The following KCNN2 variants were observed in gnomAD, a reference collection of about 807,000 sequenced individuals.
KCNN2 encodes potassium calcium-activated channel subfamily N member 2, also known as small conductance calcium-activated potassium channel protein 2.
In KCNN2, 24 loss-of-function variants were observed where a neutral mutation model predicts 55.5. That is an observed-to-expected ratio of 0.43 (90% CI 0.31 to 0.61). KCNN2 has a LOEUF of 0.61. Ranked by LOEUF, KCNN2 falls within the 20% of genes least tolerant of loss-of-function variation. The pLI is 0.08. For synonymous variants in KCNN2, 431 were observed against 336.1 expected (o/e 1.28, Z -3.09); for missense variants, 754 against 853.6 (o/e 0.88, Z 1.45).
intron 2 of KCNN2, among the ~76,000 whole-genome samples, chr5:114,377,522 C>T (rs1757981326): frequency 6.6e-6 from 1 of 152,190 alleles, no homozygotes; most frequent in Non-Finnish European, 1.5e-5. Flanking sequence ...TAGATGCCAC[C>T]TGGCTGGGCC....
intron 2 of KCNN2, among the ~76,000 whole-genome samples, chr5:114,312,414 CACACACACACACACACACACAT>C (rs1319571201): frequency 1.2e-4 from 9 of 75,212 alleles, no homozygotes; most frequent in African/African-American, 5.0e-4. Flanking sequence ...CACACACACA[CACACACACACACACACACACAT>C]ATATATATAT....
chr5:114,436,908 T>C (rs185455102), intron 3 of KCNN2, among the ~76,000 whole-genome samples: 1 of 152,280 alleles, frequency 6.6e-6, no homozygotes, highest in East Asian at 1.9e-4. Context: ...TATTGAGGAA[T>C]TGTATTTTTT....
At chr5:114,277,092 A>G (rs1755506377) in intron 2 of KCNN2, among the ~76,000 whole-genome samples, 1 of 152,098 alleles carries the variant, frequency 6.6e-6, no homozygotes, top group African/African-American at 2.4e-5. Context: ...TTCTTCACTT[A>G]TGAAGCTTAT....
At chr5:114,151,384 G>A (rs1037844647) in intron 1 of KCNN2, among the ~76,000 whole-genome samples, 53 of 152,120 alleles carry the variant, frequency 3.5e-4, no homozygotes, top group Non-Finnish European at 5.9e-4. Flanking sequence ...TCATTCCACC[G>A]TCCTGCCACT....
chr5:114,433,295 G>A (rs1390642091), intron 3 of KCNN2, among the ~76,000 whole-genome samples: 3 of 152,142 alleles, frequency 2.0e-5, no homozygotes, highest in Non-Finnish European at 4.4e-5. Flanking sequence ...AATCGACACT[G>A]TATCTAGCTA....
At chr5:114,421,729 C>G (rs922556087) in intron 3 of KCNN2, among the ~76,000 whole-genome samples, 2 of 151,736 alleles carry the variant, frequency 1.3e-5, no homozygotes, top group Non-Finnish European at 2.9e-5. Context: ...GTTGCCTCAG[C>G]CTCCTGAGTA....
chr5:114,263,922 T>G (rs1475604464), intron 2 of KCNN2, among the ~76,000 whole-genome samples: 1 of 152,186 alleles, frequency 6.6e-6, no homozygotes, highest in East Asian at 1.9e-4. Flanking sequence ...TAAGACACCC[T>G]TATTCATCCT....
At chr5:114,461,885 C>T (rs1234639478) in intron 3 of KCNN2, among the ~76,000 whole-genome samples, 2 of 151,972 alleles carry the variant, frequency 1.3e-5, no homozygotes, top group Non-Finnish European at 2.9e-5. Context: ...ACTGAGTGAG[C>T]GAAGCAGGAG....
At chr5:114,056,489 T>C (rs945045319) in exon 1 of KCNN2, 8 of 398,588 alleles carry the variant, frequency 2.0e-5, no homozygotes, top group Middle Eastern at 6.3e-4. Context: ...GGACTCCTGG[T>C]TGCAGAACGA....
At position 114,069,944 on chromosome 5, in the gene KCNN2, A is replaced by G. The variant is rs142598569; in HGVS notation, c.-271+13444A>G. 7.5e-4 allele frequency among the ~76,000 whole-genome samples: 114 copies of G among 152,372 alleles called. 1 individual carries two copies. Among genetic ancestry groups the G allele is most frequent in the African/African-American group, 2.7e-3 (113 of 41,594 alleles). ...TATTACAACTGCACTGACTATCTGT[A>G]GAATTATTGAAGGTATAATATATGA... is the stretch of plus-strand genomic sequence containing the variant. On this transcript the variant is annotated intron_variant, in intron 1 of 10. Coordinates refer to the KCNN2 transcript ENST00000512097.
intron 2 of KCNN2, among the ~76,000 whole-genome samples, chr5:114,350,874 C>A (rs983280879): frequency 6.6e-6 from 1 of 151,770 alleles, no homozygotes; most frequent in East Asian, 1.9e-4. Context: ...CAGTAAGTTT[C>A]CACTCAACAA....
intron 5 of KCNN2, chr5:114,486,785 A>G (rs749163939): frequency 1.5e-6 from 2 of 1,353,110 alleles, no homozygotes; most frequent in South Asian, 2.6e-5. Context: ...GTTGAATAAA[A>G]AAGAAGTTTC....
At position 114,385,068 on chromosome 5, in the gene KCNN2, ATTAAAGG is replaced by A. The variant is rs1199913558; in HGVS notation, c.1219-19368_1219-19362del. ...AGTTGAAATGCTCTATCTTATTAAC[ATTAAAGG>A]TATGCAGATGTGTTGCCCTATTTTG... On this transcript the variant is annotated intron_variant, in intron 2 of 7. Coordinates refer to ENST00000673685, the MANE Select transcript of KCNN2 (RefSeq NM_021614.4). Among the ~76,000 whole-genome samples the A allele has an allele frequency of 2.6e-5, 4 of 152,342 alleles. No homozygotes were observed. The South Asian group carries it at 8.3e-4, about 32-fold the overall frequency.
chr5:114,266,330 G>A (rs890974551), intron 2 of KCNN2, among the ~76,000 whole-genome samples: 4 of 152,136 alleles, frequency 2.6e-5, no homozygotes, highest in Non-Finnish European at 5.9e-5. Flanking sequence ...TCTATCTTAT[G>A]TATCTTATTC....
chr5:114,134,811 G>A (rs970902970), intron 1 of KCNN2, among the ~76,000 whole-genome samples: 6 of 152,064 alleles, frequency 3.9e-5, no homozygotes, highest in East Asian at 3.9e-4. Flanking sequence ...ACAGTAATGC[G>A]TTTCTCTTGC....
At chr5:114,314,301 T>C (rs1333714994) in intron 2 of KCNN2, among the ~76,000 whole-genome samples, 1 of 152,176 alleles carries the variant, frequency 6.6e-6, no homozygotes, top group Admixed American at 6.6e-5. Context: ...TTTGTTTCAA[T>C]TGATGAACTG....
chr5:114,288,497 T>TGCACAC (rs1554079585), intron 2 of KCNN2, among the ~76,000 whole-genome samples: 2 of 128,776 alleles, frequency 1.6e-5, no homozygotes, highest in Non-Finnish European at 3.2e-5. Context: ...TATATATATA[T>TGCACAC]ATACACACAC....
At chr5:114,427,959 A>G (rs1231229921) in intron 3 of KCNN2, among the ~76,000 whole-genome samples, 1 of 152,216 alleles carries the variant, frequency 6.6e-6, no homozygotes, top group Non-Finnish European at 1.5e-5. Context: ...ATCAAAACAC[A>G]TCATAATGGG....
chr5:114,160,611 G>A (rs1414236489), intron 1 of KCNN2, among the ~76,000 whole-genome samples: 1 of 152,122 alleles, frequency 6.6e-6, no homozygotes, highest in Non-Finnish European at 1.5e-5. Flanking sequence ...GGGTGTTAAA[G>A]TCTCCCATTA....
Sources: allele counts gnomAD v4.1 joint callset (sites outside exome capture counted in the v4.1 genomes callset), GRCh38; gene constraint gnomAD v4.1.1; transcripts MANE v1.5; gene names NCBI Gene and HGNC (gene_info 2026-07-23, HGNC 2026-07-21).